NXPE4: variants seen among roughly 807,000 people sequenced by gnomAD.
NXPE4 encodes the protein NXPE family member 4.
A neutral mutation model predicts 33.3 loss-of-function variants in NXPE4; 42 were observed. The observed-to-expected ratio is 1.26, with a 90% CI of 0.98 to 1.63. The LOEUF (loss-of-function observed/expected upper bound fraction) is 1.63. Among genes scored for constraint, NXPE4 ranks in the 40% most tolerant of loss-of-function variants. The pLI is 0.00. For missense variants in NXPE4, 709 were observed against 647.6 expected (o/e 1.09, Z -1.03); for synonymous variants, 253 against 234.9 (o/e 1.08, Z -0.71).
chr11:114,667,291 T>TA, the NXPE4 span, among the ~76,000 whole-genome samples: 2 of 152,172 alleles, frequency 1.3e-5, no homozygotes, highest in African/African-American at 2.4e-5. Flanking sequence ...GAGTGAATTT[T>TA]AAAAAATGTT....
rs1449070940 is a variant in NXPE4 at position 114,570,809 on chromosome 11, A to G, written c.*129T>C. The G allele has an allele frequency of 3.3e-6, 2 of 613,760 alleles. No homozygotes were observed. Among genetic ancestry groups the G allele is most frequent in the Non-Finnish European group, 5.6e-6 (2 of 355,954 alleles). 38.0% of individuals were successfully genotyped at this position (613,760 alleles called of 1,614,324 possible). A position where few individuals can be genotyped will look rare whatever the true frequency, so the allele number is the denominator to read the frequency against. ...ATTTAGCTGAATTGGTGGCTTATGG[A>G]TCAGCCATAATGTAGATTCTCTGCT... On this transcript the variant is annotated 3_prime_UTR_variant, in exon 6 of 6. Coordinates refer to ENST00000375478, the MANE Select transcript of NXPE4 (RefSeq NM_001077639.2).
chr11:114,578,607 T>C (rs1318116824), intron 5 of NXPE4, among the ~76,000 whole-genome samples: 4 of 152,196 alleles, frequency 2.6e-5, no homozygotes, highest in Non-Finnish European at 5.9e-5. Flanking sequence ...TTGGATCAAC[T>C]TTCCTTCTAA....
At chr11:114,655,669 G>T in the NXPE4 span, among the ~76,000 whole-genome samples, 1 of 152,104 alleles carries the variant, frequency 6.6e-6, no homozygotes, top group Non-Finnish European at 1.5e-5. Flanking sequence ...CCTCTGTTCT[G>T]CTCCATTGGT....
At chr11:114,604,799 C>T in the NXPE4 span, among the ~76,000 whole-genome samples, 28 of 144,070 alleles carry the variant, frequency 1.9e-4, no homozygotes, top group East Asian at 4.3e-4. Flanking sequence ...TGTTGCCTCG[C>T]GGGTAACCAC....
chr11:114,572,922 A>G (rs533980361), intron 5 of NXPE4, among the ~76,000 whole-genome samples: 7 of 152,210 alleles, frequency 4.6e-5, no homozygotes, highest in Non-Finnish European at 8.8e-5. Context: ...CAGATTATCT[A>G]AAGTCAAGAT....
At chr11:114,650,594 G>C in the NXPE4 span, among the ~76,000 whole-genome samples, 20 of 152,166 alleles carry the variant, frequency 1.3e-4, no homozygotes, top group African/African-American at 4.8e-4. Context: ...CACTGCAAAG[G>C]GAGGAGGTGG....
At chr11:114,634,631 A>G in the NXPE4 span, among the ~76,000 whole-genome samples, 4 of 151,910 alleles carry the variant, frequency 2.6e-5, no homozygotes, top group African/African-American at 4.8e-5. Flanking sequence ...ATTTTGAATT[A>G]ATTTTTGTAT....
the NXPE4 span, among the ~76,000 whole-genome samples, chr11:114,631,736 G>A: frequency 7.9e-5 from 12 of 151,398 alleles, no homozygotes; most frequent in Middle Eastern, 6.8e-3. Context: ...GTATTGCCTC[G>A]TGGGTAACCA....
the NXPE4 span, among the ~76,000 whole-genome samples, chr11:114,603,058 T>C: frequency 6.6e-6 from 1 of 151,650 alleles, no homozygotes; most frequent in Non-Finnish European, 1.5e-5. Flanking sequence ...AATTATTGTC[T>C]CATAGGTAAC....
the NXPE4 span, among the ~76,000 whole-genome samples, chr11:114,626,429 G>A: frequency 2.6e-5 from 4 of 151,528 alleles, no homozygotes; most frequent in South Asian, 2.1e-4. Context: ...GACACCTCAC[G>A]TGGCCGGGTA....
At chr11:114,601,722 A>C in the NXPE4 span, among the ~76,000 whole-genome samples, 5 of 72,440 alleles carry the variant, frequency 6.9e-5, no homozygotes, top group Non-Finnish European at 1.2e-4. Flanking sequence ...TATATATTAT[A>C]ATTATATATT....
rs776429191 is a variant in NXPE4, at chr11:114,582,860, T to C, written c.258A>G (p.Arg86=). The C allele has an allele frequency of 6.2e-7, 1 of 1,614,140 alleles. No homozygotes were observed. Among genetic ancestry groups the C allele is most frequent in the Non-Finnish European group, 8.5e-7 (1 of 1,180,000 alleles). Reference sequence around the variant, plus strand: ...TGGTGGTGTTCACGTGGGTGAAAGGTCTGGGTGGGATCTGCTGATCTAGTT... The same window carrying C: ...TGGTGGTGTTCACGTGGGTGAAAGGCCTGGGTGGGATCTGCTGATCTAGTT... ...IEKLDQQIPP[R]PFTHVNTTTS... is the part of the protein sequence containing the mutation. The change falls in exon 3 of 6, where the codon AGA becomes AGG. Residue 86 remains arginine (R), a synonymous_variant. Coordinates refer to ENST00000375478, the MANE Select transcript of NXPE4 (RefSeq NM_001077639.2).
At chr11:114,601,453 A>G in the NXPE4 span, among the ~76,000 whole-genome samples, 1 of 124,904 alleles carries the variant, frequency 8.0e-6, no homozygotes, top group Non-Finnish European at 1.6e-5. Context: ...ATATATTTAT[A>G]TTATATATAA....
intron 5 of NXPE4, among the ~76,000 whole-genome samples, chr11:114,572,322 G>A (rs191714589): frequency 6.4e-4 from 98 of 152,116 alleles, no homozygotes; most frequent in Non-Finnish European, 1.1e-3. Flanking sequence ...TTTAACTCCT[G>A]CAAAAGACCA....
At chr11:114,661,322 G>A in the NXPE4 span, among the ~76,000 whole-genome samples, 1 of 152,138 alleles carries the variant, frequency 6.6e-6, no homozygotes, top group Non-Finnish European at 1.5e-5. Context: ...GAGCACTATT[G>A]GAGGACTCTG....
At chr11:114,645,753 G>A in the NXPE4 span, among the ~76,000 whole-genome samples, 2 of 152,072 alleles carry the variant, frequency 1.3e-5, no homozygotes, top group South Asian at 2.1e-4. Context: ...TGACTAATAC[G>A]TATATGTGAA....
At chr11:114,634,386 G>T in the NXPE4 span, among the ~76,000 whole-genome samples, 1 of 151,942 alleles carries the variant, frequency 6.6e-6, no homozygotes, top group African/African-American at 2.4e-5. Flanking sequence ...TGAGTAGGTT[G>T]TGAAGATTTT....
chr11:114,601,940 A>T, the NXPE4 span, among the ~76,000 whole-genome samples: 1 of 81,086 alleles, frequency 1.2e-5, no homozygotes, highest in Non-Finnish European at 2.1e-5. Flanking sequence ...TATATATATT[A>T]TATAATTATA....
At chr11:114,612,541 A>C in the NXPE4 span, among the ~76,000 whole-genome samples, 1 of 151,826 alleles carries the variant, frequency 6.6e-6, no homozygotes, top group South Asian at 2.1e-4. Context: ...CCCTGTGTCT[A>C]ATAAGTGTTG....
Sources: allele counts gnomAD v4.1 joint callset (sites outside exome capture counted in the v4.1 genomes callset), GRCh38; gene constraint gnomAD v4.1.1; transcripts MANE v1.5; gene names NCBI Gene and HGNC (gene_info 2026-07-23, HGNC 2026-07-21).